Variants in WDR76 observed in about 807,000 individuals in gnomAD.
WDR76 encodes WD repeat domain 76, also known as WD repeat-containing protein 76.
Under a neutral mutation model 70.2 loss-of-function variants are expected in WDR76, and 52 were observed. The observed-to-expected ratio is 0.74, with a 90% CI of 0.59 to 0.93. The LOEUF (loss-of-function observed/expected upper bound fraction) is 0.93. Ranked by LOEUF, WDR76 falls within the 40% of genes least tolerant of loss-of-function variation. The pLI, the probability that WDR76 is intolerant of heterozygous loss-of-function variation, is 0.00. For missense variants in WDR76, 756 were observed against 760.2 expected (o/e 0.99, Z 0.07); for synonymous variants, 292 against 271.1 (o/e 1.08, Z -0.76).
intron 8 of WDR76, among the ~76,000 whole-genome samples, chr15:43,848,906 C>T (rs2087821334): frequency 6.6e-6 from 1 of 151,412 alleles, no homozygotes; most frequent in Admixed American, 6.6e-5. Context: ...CCACTGCACT[C>T]CAGCCTGGGC....
At chr15:43,852,918 C>T (rs1045677824) in intron 9 of WDR76, among the ~76,000 whole-genome samples, 4 of 152,068 alleles carry the variant, frequency 2.6e-5, no homozygotes, top group South Asian at 4.2e-4. Flanking sequence ...AACAGAGTCT[C>T]GCTCTTGTTG....
intron 8 of WDR76, among the ~76,000 whole-genome samples, chr15:43,846,495 G>C (rs1478053503): frequency 6.7e-6 from 1 of 148,686 alleles, no homozygotes; most frequent in Admixed American, 6.7e-5. Flanking sequence ...TGTTGCCTAG[G>C]CTCATCTCAA....
At chr15:43,858,572 G>C (rs1043992737) in intron 10 of WDR76, 99 bp from the exon 11 acceptor site, 2 of 1,450,302 alleles carry the variant, frequency 1.4e-6, no homozygotes, top group Non-Finnish European at 1.9e-6. Flanking sequence ...ATGTTCTTCA[G>C]TATAGCAAGT....
intron 11 of WDR76, among the ~76,000 whole-genome samples, chr15:43,860,948 T>C (rs1218518379): frequency 1.5e-5 from 2 of 134,940 alleles, no homozygotes; most frequent in African/African-American, 5.9e-5. Context: ...TAGACAAGGT[T>C]CTCGCTCTGT....
At chr15:43,837,054 AAAC>A (rs2087665873) in intron 4 of WDR76, among the ~76,000 whole-genome samples, 1 of 148,858 alleles carries the variant, frequency 6.7e-6, no homozygotes, top group Non-Finnish European at 1.5e-5. Flanking sequence ...AAAAAAAAAA[AAAC>A]AAAAAAAAAC....
intron 12 of WDR76, among the ~76,000 whole-genome samples, chr15:43,861,832 A>ATTTT (rs898404641): frequency 9.5e-5 from 10 of 104,766 alleles, no homozygotes; most frequent in South Asian, 3.0e-4. Context: ...GTATTTGTGT[A>ATTTT]TTTTTTTTTT....
intron 12 of WDR76, 71 bp from the exon 13 acceptor site, chr15:43,866,057 C>G: frequency 3.2e-6 from 5 of 1,558,886 alleles, no homozygotes; most frequent in Non-Finnish European, 4.4e-6. Flanking sequence ...GCAATGCCGT[C>G]TTTACCCTCT....
chr15:43,832,757 T>TTG (rs2087607663), intron 2 of WDR76, among the ~76,000 whole-genome samples: 1 of 135,282 alleles, frequency 7.4e-6, no homozygotes, highest in East Asian at 2.2e-4. Context: ...TTTTTTTTTT[T>TTG]TTTTTTTTTT....
At chr15:43,847,826 C>T (rs1333441869) in intron 8 of WDR76, among the ~76,000 whole-genome samples, 5 of 152,032 alleles carry the variant, frequency 3.3e-5, no homozygotes, top group East Asian at 1.9e-4. Context: ...CCCAGAGCTG[C>T]GATTACAGGC....
intron 5 of WDR76, among the ~76,000 whole-genome samples, 174 bp downstream of exon 5, chr15:43,839,902 G>C (rs1367341421): frequency 6.6e-6 from 1 of 152,128 alleles, no homozygotes; most frequent in Non-Finnish European, 1.5e-5. Context: ...CTGTCGCCCA[G>C]ACTGGAGTGC....
intron 2 of WDR76, among the ~76,000 whole-genome samples, chr15:43,834,405 A>AT (rs1335127607): frequency 6.8e-6 from 1 of 146,800 alleles, no homozygotes; most frequent in East Asian, 2.0e-4. Context: ...GGTTCAAGCG[A>AT]TTTTCCTGCC....
intron 9 of WDR76, among the ~76,000 whole-genome samples, chr15:43,852,726 G>A (rs1349937870): frequency 1.3e-5 from 2 of 152,064 alleles, no homozygotes; most frequent in Non-Finnish European, 2.9e-5. Flanking sequence ...GTGGTCTTTT[G>A]TGACTGGTTT....
At chr15:43,850,493 C>T (rs1439931560) in intron 8 of WDR76, among the ~76,000 whole-genome samples, 1 of 151,770 alleles carries the variant, frequency 6.6e-6, no homozygotes, top group Non-Finnish European at 1.5e-5. Context: ...GATGGGGTTT[C>T]ACCATGTTAG....
At chr15:43,841,615 C>T (rs979212661) in intron 5 of WDR76, among the ~76,000 whole-genome samples, 2 of 152,088 alleles carry the variant, frequency 1.3e-5, no homozygotes, top group African/African-American at 2.4e-5. Context: ...GCAGGGATCA[C>T]AGGTGTGAGC....
intron 4 of WDR76, 140 bp from the exon 5 acceptor site, chr15:43,839,465 A>G (rs1485026669): frequency 2.3e-6 from 2 of 860,168 alleles, no homozygotes; most frequent in Non-Finnish European, 3.3e-6. Context: ...TTATTAAGAT[A>G]ATTGTGGCCA....
intron 4 of WDR76, among the ~76,000 whole-genome samples, chr15:43,837,042 CAAA>C (rs541159343): frequency 1.7e-5 from 1 of 58,304 alleles, no homozygotes. Flanking sequence ...CTCCATCTCA[CAAA>C]AAAAAAAAAA....
At chr15:43,841,739 A>G (rs2087728270) in intron 5 of WDR76, among the ~76,000 whole-genome samples, 1 of 152,240 alleles carries the variant, frequency 6.6e-6, no homozygotes, top group African/African-American at 2.4e-5. Context: ...GTTTAAAAAA[A>G]TACTGATGTA....
chr15:43,866,457 G>A lies in WDR76; in HGVS notation c.*65G>A, dbSNP rs550179866. On this transcript the variant is annotated 3_prime_UTR_variant, in exon 13 of 13. Coordinates refer to ENST00000263795, the MANE Select transcript of WDR76 (RefSeq NM_024908.4). The stretch of plus-strand genomic sequence containing the variant: ...CTGTCTAAGGAGCCTAGTAATCGGC[G>A]TGCCTTAGTGTGTTTATGTGGTAAT... The A allele has an allele frequency of 9.0e-6, 14 of 1,559,566 alleles. No individual in the cohort carries two copies. Among genetic ancestry groups the A allele is most frequent in the African/African-American group, 8.2e-5 (6 of 73,446 alleles).
intron 9 of WDR76, among the ~76,000 whole-genome samples, chr15:43,855,062 G>C (rs1297677779): frequency 6.6e-6 from 1 of 151,922 alleles, no homozygotes; most frequent in Non-Finnish European, 1.5e-5. Context: ...AGTGATTACT[G>C]TCCCCATAGT....
Sources: gnomAD v4.1 joint callset for allele counts (sites outside exome capture counted in the v4.1 genomes callset) on GRCh38, gnomAD v4.1.1 for gene constraint, MANE v1.5 for transcripts, NCBI Gene and HGNC (gene_info 2026-07-23, HGNC 2026-07-21) for gene names.